The following ZC4H2 variants were observed in gnomAD, a reference collection of about 807,000 sequenced individuals.
The protein encoded by ZC4H2 is zinc finger C4H2 domain-containing protein.
For synonymous variants in ZC4H2, 84 were observed against 66.3 expected (o/e 1.27, Z -1.30); for missense variants, 137 against 173.9 (o/e 0.79, Z 1.19).
chrX:64,976,745 T>C (rs1429371766), upstream of ZC4H2, among the ~76,000 whole-genome samples: 1 of 111,305 alleles, frequency 9.0e-6, no homozygotes, highest in African/African-American at 3.3e-5. Context: ...ATTGGAGAGA[T>C]GAGAGACATA....
At chrX:64,951,574 C>T (rs140342324) in intron 1 of ZC4H2, among the ~76,000 whole-genome samples, 12,406 of 111,616 alleles carry the variant, frequency 0.11, 1,647 homozygotes, top group African/African-American at 0.38. Context: ...TTTTTTCATG[C>T]GTTTTTTGGC....
intron 1 of ZC4H2, among the ~76,000 whole-genome samples, chrX:65,004,563 G>T (rs1223388916): frequency 8.9e-6 from 1 of 111,774 alleles, no homozygotes; most frequent in Non-Finnish European, 1.9e-5. Context: ...AATAGTGTAG[G>T]TATTGATGGA....
chrX:64,928,498 T>C lies in ZC4H2; in HGVS notation c.54-6510A>G, dbSNP rs759670934. 1.3e-4 allele frequency among the ~76,000 whole-genome samples: 15 copies of C among 111,851 alleles called. No individual in the cohort carries two copies. The South Asian group carries it at 3.0e-3, about 23-fold the overall frequency. Reference sequence around the variant, plus strand: ...TTGGTCTATATATCTGTTTTGGTACTAGTACCATGCTGTTTTGGTTACTGC... The same window carrying C: ...TTGGTCTATATATCTGTTTTGGTACCAGTACCATGCTGTTTTGGTTACTGC... On this transcript the variant is annotated intron_variant, in intron 1 of 4. Coordinates refer to ENST00000374839, the MANE Select transcript of ZC4H2 (RefSeq NM_018684.4).
intron 1 of ZC4H2, among the ~76,000 whole-genome samples, chrX:64,932,470 T>C (rs1602392205): frequency 1.8e-5 from 2 of 111,911 alleles, no homozygotes; most frequent in African/African-American, 6.5e-5. Context: ...GTGAGATTTA[T>C]GCTTTAAGAA....
chrX:65,006,414 A>T (rs1010285779), intron 1 of ZC4H2, among the ~76,000 whole-genome samples: 7 of 111,119 alleles, frequency 6.3e-5, no homozygotes, highest in Non-Finnish European at 7.5e-5. Context: ...TTGTAGGGAC[A>T]TGGATGAAGC....
At chrX:65,019,034 G>C (rs1025113364) in intron 1 of ZC4H2, among the ~76,000 whole-genome samples, 1 of 111,972 alleles carries the variant, frequency 8.9e-6, no homozygotes, top group African/African-American at 3.2e-5. Context: ...AGCAGCCCCA[G>C]TCAGGGGCTT....
intron 1 of ZC4H2, among the ~76,000 whole-genome samples, chrX:64,936,285 A>C (rs914699599): frequency 5.4e-5 from 6 of 111,298 alleles, no homozygotes; most frequent in Admixed American, 9.6e-5. Flanking sequence ...AAAAGACCAA[A>C]CCTACGTTTC....
intron 1 of ZC4H2, among the ~76,000 whole-genome samples, chrX:65,023,906 C>A (rs1042257296): frequency 8.9e-6 from 1 of 111,929 alleles, no homozygotes; most frequent in South Asian, 3.7e-4. Context: ...CACATATACA[C>A]CATGGAATAC....
intron 1 of ZC4H2, among the ~76,000 whole-genome samples, chrX:64,963,321 C>G (rs1463868888): frequency 2.7e-5 from 3 of 111,556 alleles, no homozygotes; most frequent in Non-Finnish European, 5.7e-5. Context: ...TCTGAAACTA[C>G]AAAACTCCTA....
chrX:64,923,149 CAT>C (rs933722843), intron 1 of ZC4H2, among the ~76,000 whole-genome samples: 5 of 111,775 alleles, frequency 4.5e-5, no homozygotes, highest in Non-Finnish European at 9.4e-5. Context: ...AGACTTGTGA[CAT>C]AGAAAATGTT....
At chrX:64,950,057 A>C (rs967221081) in intron 1 of ZC4H2, among the ~76,000 whole-genome samples, 1 of 111,457 alleles carries the variant, frequency 9.0e-6, no homozygotes, top group African/African-American at 3.3e-5. Context: ...ATCTTTGTTC[A>C]CGTTGGTTTC....
intron 1 of ZC4H2, among the ~76,000 whole-genome samples, chrX:64,945,979 T>G (rs1602405715): frequency 9.1e-6 from 1 of 109,718 alleles, no homozygotes; most frequent in East Asian, 2.9e-4. Context: ...GTGCTGGGAG[T>G]GAGAATTTCA....
intron 1 of ZC4H2, among the ~76,000 whole-genome samples, chrX:65,006,592 G>T: frequency 9.1e-6 from 1 of 109,462 alleles, no homozygotes; most frequent in Non-Finnish European, 1.9e-5. Context: ...ATAGCATTAG[G>T]AGATATACCT....
intron 1 of ZC4H2, among the ~76,000 whole-genome samples, chrX:64,993,578 G>T (rs1932352163): frequency 1.8e-5 from 2 of 111,490 alleles, no homozygotes; most frequent in African/African-American, 6.5e-5. Flanking sequence ...ACTAGACATG[G>T]AATCTGCTAG....
chrX:64,953,571 G>T (rs1037814531), intron 1 of ZC4H2, among the ~76,000 whole-genome samples: 3 of 112,198 alleles, frequency 2.7e-5, no homozygotes, highest in African/African-American at 6.5e-5. Flanking sequence ...ACATGAAAAA[G>T]TGCTCATCAT....
chrX:64,944,281 C>T (rs899283841), intron 1 of ZC4H2, among the ~76,000 whole-genome samples: 1 of 108,706 alleles, frequency 9.2e-6, no homozygotes, highest in African/African-American at 3.4e-5. Flanking sequence ...GCTGGGACTA[C>T]AGGTGCCTGC....
chrX:64,976,710 G>A (rs1431579053), upstream of ZC4H2, among the ~76,000 whole-genome samples: 4 of 111,878 alleles, frequency 3.6e-5, no homozygotes, highest in Non-Finnish European at 7.5e-5. Context: ...GTGGGAAAAT[G>A]GAGAAAAAAA....
At chrX:64,946,135 AAAACC>A (rs1930518950) in intron 1 of ZC4H2, among the ~76,000 whole-genome samples, 1 of 109,802 alleles carries the variant, frequency 9.1e-6, no homozygotes, top group East Asian at 3.2e-4. Flanking sequence ...TGTGGGAAAA[AAAACC>A]AAAACCAAAA....
At chrX:64,982,473 C>A (rs899551969) in intron 1 of ZC4H2, among the ~76,000 whole-genome samples, 8 of 112,460 alleles carry the variant, frequency 7.1e-5, no homozygotes, top group African/African-American at 2.6e-4. Flanking sequence ...AGGTCAATAT[C>A]CCTCATCCTT....
Sources: allele counts gnomAD v4.1 joint callset (sites outside exome capture counted in the v4.1 genomes callset), GRCh38; gene constraint gnomAD v4.1.1; transcripts MANE v1.5; gene names NCBI Gene and HGNC (gene_info 2026-07-23, HGNC 2026-07-21).